DOT1L: variants seen among roughly 807,000 people sequenced by gnomAD.
The protein encoded by DOT1L is DOT1 like histone lysine methyltransferase.
Under a neutral mutation model 153.3 loss-of-function variants are expected in DOT1L, and 33 were observed. That is an observed-to-expected ratio of 0.22 (90% confidence interval 0.16 to 0.29). The LOEUF (loss-of-function observed/expected upper bound fraction) is 0.29, where lower values mean the gene tolerates loss of function less well. Ranked by LOEUF, DOT1L falls within the 10% of genes least tolerant of loss-of-function variation. The pLI, the probability that DOT1L is intolerant of heterozygous loss-of-function variation, is 1.00. For synonymous variants in DOT1L, 1,135 were observed against 965.1 expected (o/e 1.18, Z -3.26); for missense variants, 1,847 against 2,119.9 (o/e 0.87, Z 2.53).
intron 22 of DOT1L, among the ~76,000 whole-genome samples, chr19:2,218,732 T>C (rs2024003414): frequency 6.6e-6 from 1 of 151,930 alleles, no homozygotes; most frequent in Non-Finnish European, 1.5e-5. Flanking sequence ...AGACTCATTC[T>C]GTCCCCCAGG....
At position 2,217,727 on chromosome 19, in the gene DOT1L, A is replaced by T. The variant is rs1453246375; in HGVS notation, c.2545-45A>T. 6.4e-7 allele frequency: 1 copy of T among 1,571,592 alleles called. No individual in the cohort carries two copies. The highest frequency in any genetic ancestry group is 8.6e-7 in the Non-Finnish European group (1 of 1,159,690). The stretch of plus-strand genomic sequence containing the variant: ...TGTGGCTGTGGTCCCTGTGTCCTGG[A>T]GGGGTTTGTTGACCCACGACTGGGG... On this transcript the variant is annotated intron_variant, in intron 21 of 27. Transcript: ENST00000398665. This position sits in a 1 kb window ranked among gnomAD's most constrained non-coding sequence, Gnocchi z 7.3.
At chr19:2,216,022 GCT>G in intron 19 of DOT1L, 1 of 470,620 alleles carries the variant, frequency 2.1e-6, no homozygotes, top group South Asian at 3.4e-5. Context: ...AGAGACGAGA[GCT>G]CTTTGTATCT....
In DOT1L at chr19:2,224,345, A is replaced by G. The variant is rs372537598; in HGVS notation, c.3596+859A>G. Reference sequence around the variant, plus strand: ...AGCCACACCATTCCACCCTGCCACCATGGGTGCACGAGGGTCTGAGGTCCT... The same window carrying G: ...AGCCACACCATTCCACCCTGCCACCGTGGGTGCACGAGGGTCTGAGGTCCT... On this transcript the variant is annotated intron_variant, in intron 25 of 27. Transcript: ENST00000398665. Among the ~76,000 whole-genome samples, 8 of 152,274 alleles carry G rather than the reference A, an allele frequency of 5.3e-5. No homozygotes were observed. The East Asian group carries it at 1.2e-3, about 22-fold the overall frequency.
intron 27 of DOT1L, chr19:2,227,366 G>A (rs756221511): frequency 4.2e-6 from 3 of 721,060 alleles, no homozygotes; most frequent in African/African-American, 1.8e-5. Flanking sequence ...TTTTCAGAAG[G>A]CCACCGTGCG....
chr19:2,222,950 C>A lies in DOT1L; in HGVS notation c.3391-331C>A. The A allele has an allele frequency of 2.3e-6, 1 of 438,378 alleles. No individual in the cohort carries two copies. The highest frequency in any genetic ancestry group is 4.0e-5 in the East Asian group (1 of 24,898). 27.2% of individuals were successfully genotyped at this position (438,378 alleles called of 1,614,324 possible). ...GACTGAGCCCGGCCATCCTCCACCACGTGCGGCCTGGCAGCCTGGGAAGAG... is the reference window on the plus strand; with the variant it reads ...GACTGAGCCCGGCCATCCTCCACCAAGTGCGGCCTGGCAGCCTGGGAAGAG... On this transcript the variant is annotated intron_variant, in intron 24 of 27. Transcript: ENST00000398665. This position sits in a 1 kb window ranked among gnomAD's most constrained non-coding sequence, Gnocchi z 6.5.
At chr19:2,198,618 C>T (rs925919238) in intron 7 of DOT1L, among the ~76,000 whole-genome samples, 8 of 152,202 alleles carry the variant, frequency 5.3e-5, no homozygotes, top group African/African-American at 1.9e-4. Flanking sequence ...CTGGGTGGGG[C>T]GCGAGGCCTG....
At chr19:2,218,558 T>G (rs1166257686) in intron 22 of DOT1L, among the ~76,000 whole-genome samples, 1 of 151,036 alleles carries the variant, frequency 6.6e-6, no homozygotes, top group Non-Finnish European at 1.5e-5. Flanking sequence ...CACGCCTGGC[T>G]AATTTTTTGT....
At position 2,217,562 on chromosome 19, in the gene DOT1L, T is replaced by C. The variant is rs1441440308; in HGVS notation, c.2545-210T>C. The stretch of plus-strand genomic sequence containing the variant: ...CAGGCTGGAGGGGACAGATGGGCAT[T>C]GCTTTCAGACACCAGGAGCGTGCCG... On this transcript the variant is annotated intron_variant, in intron 21 of 27. Coordinates refer to ENST00000398665, the MANE Select transcript of DOT1L (RefSeq NM_032482.3). This position sits in a 1 kb window ranked among gnomAD's most constrained non-coding sequence, Gnocchi z 7.3. Among the ~76,000 whole-genome samples, 1 of 152,058 alleles carries C rather than the reference T, an allele frequency of 6.6e-6. No individual in the cohort carries two copies. Among genetic ancestry groups the C allele is most frequent in the East Asian group, 1.9e-4 (1 of 5,176 alleles).
intron 25 of DOT1L, among the ~76,000 whole-genome samples, chr19:2,224,926 G>A (rs541922057): frequency 6.6e-6 from 1 of 152,200 alleles, no homozygotes; most frequent in African/African-American, 2.4e-5. Context: ...GTGTGTTCTT[G>A]GGACATTGGA....
intron 19 of DOT1L, chr19:2,216,007 T>G: frequency 2.4e-6 from 1 of 425,476 alleles, no homozygotes; most frequent in East Asian, 4.2e-5. Context: ...TTAGAGTCTA[T>G]TTTGAGAGAC....
At position 2,222,346 on chromosome 19, in the gene DOT1L, G is replaced by A. The variant is rs747905456; in HGVS notation, c.3177G>A (p.Ser1059=). 5 of 1,612,586 alleles carry A rather than the reference G, an allele frequency of 3.1e-6. No individual in the cohort carries two copies. In the South Asian group the frequency reaches 3.3e-5, roughly 11 times the overall value. Residue 1059 remains serine (S), a synonymous_variant, in exon 24 of 28, where the codon TCG becomes TCA. Transcript: ENST00000398665. The surrounding 1 kb of genome is among the most constrained non-coding windows in gnomAD (Gnocchi z 6.5). The part of the protein sequence containing the change: ...ITTGAGSAKQ[S]PSSKHSPLTA... ...CTGGTGCGGGCAGTGCCAAGCAGTC[G>A]CCCTCCAGCAAGCACAGCCCCCTGA...
rs759670989 is a variant in DOT1L at position 2,226,503 on chromosome 19, T to G, written c.3982T>G (p.Leu1328Val). Residue 1328 changes from leucine to valine, a missense_variant, in exon 27 of 28, where the codon TTA becomes GTA. Leu to Val is a conservative substitution (Grantham distance 32). This residue lies in a region of DOT1L where 934 missense variants were observed against 825.3 expected (regional missense o/e 1.13). Transcript: ENST00000398665. ...FGGGLAADLS[L>V]HSFSDGASLP... ...CGGGGGCCTGGCCGCGGACCTGAGT[T>G]TACACAGCTTCAGTGATGGTGCTTC... The G allele has an allele frequency of 6.2e-7, 1 of 1,600,784 alleles. No individual in the cohort carries two copies. The highest frequency in any genetic ancestry group is 1.3e-5 in the African/African-American group (1 of 75,050).
chr19:2,216,603 C>T lies in DOT1L; in HGVS notation c.2246C>T (p.Pro749Leu). The T allele has an allele frequency of 6.2e-7, 1 of 1,607,722 alleles. No individual in the cohort carries two copies. Among genetic ancestry groups the T allele is most frequent in the Non-Finnish European group, 8.5e-7 (1 of 1,179,912 alleles). The change falls in exon 20 of 28, where the codon CCC becomes CTC. Residue 749 changes from proline to leucine, a missense_variant. Physicochemically the swap from Pro to Leu is moderately conservative, Grantham distance 98. This residue lies in a region of DOT1L where 281 missense variants were observed against 263.6 expected (regional missense o/e 1.07). Coordinates refer to ENST00000398665, the MANE Select transcript of DOT1L (RefSeq NM_032482.3). ...LASPLDQEVVPCTPSHVGRPR... is the reference protein window; with the variant it reads ...LASPLDQEVVLCTPSHVGRPR... ...TCACCCCTGGACCAGGAGGTGGTGC[C>T]CTGTACCCCTAGCCACGTCGGCCGG...
In DOT1L at chr19:2,231,910, C is replaced by A. The variant is rs1031239330; in HGVS notation, c.*2118C>A. On this transcript the variant is annotated 3_prime_UTR_variant, in exon 28 of 28. Transcript: ENST00000398665. ...GCACTGGGTCTCAGAGCCACTGGCCCAGGCAGAAGTCTCCTTGAGCCCACT... is the reference window on the plus strand; with the variant it reads ...GCACTGGGTCTCAGAGCCACTGGCCAAGGCAGAAGTCTCCTTGAGCCCACT... 5 of 218,836 alleles carry A rather than the reference C, an allele frequency of 2.3e-5. No homozygotes were observed. Among genetic ancestry groups the A allele is most frequent in the African/African-American group, 1.1e-4 (5 of 44,458 alleles). 13.6% of individuals were successfully genotyped at this position (218,836 alleles called of 1,614,324 possible).
In DOT1L at chr19:2,227,140, GCCGT is replaced by G. The variant is rs776195662; in HGVS notation, c.4606+21_4606+24del. On this transcript the variant is annotated intron_variant, in intron 27 of 27. Transcript: ENST00000398665. ...GGCACAGTTGGAGGTAGGCAGGGCG[GCCGT>G]CCGTCCGCCCCCCGCCCCGGCCCCC... 150 of 1,554,436 alleles carry G rather than the reference GCCGT, an allele frequency of 9.6e-5. No individual in the cohort carries two copies. The highest frequency in any genetic ancestry group is 1.2e-4 in the Non-Finnish European group (137 of 1,160,682).
In DOT1L at chr19:2,204,994, G is replaced by A. The variant is rs1045719096; in HGVS notation, c.788-1735G>A. Among the ~76,000 whole-genome samples the A allele has an allele frequency of 6.6e-6, 1 of 151,280 alleles. No homozygotes were observed. Among genetic ancestry groups the A allele is most frequent in the Non-Finnish European group, 1.5e-5 (1 of 67,870 alleles). On this transcript the variant is annotated intron_variant, in intron 9 of 27. Transcript: ENST00000398665. This position sits in a 1 kb window ranked among gnomAD's most constrained non-coding sequence, Gnocchi z 5.7. ...TTTTAATTTTTTTTTTTTTGGAGAC[G>A]GAGTCTCACTCTGTCGCCCAGGCTG...
intron 22 of DOT1L, among the ~76,000 whole-genome samples, chr19:2,219,670 C>T (rs1404068104): frequency 6.6e-6 from 1 of 152,188 alleles, no homozygotes; most frequent in Admixed American, 6.5e-5. Context: ...CTTTGTTGGA[C>T]TTGGAGTGTG....
At chr19:2,187,637 CAG>C (rs772934769) in intron 3 of DOT1L, among the ~76,000 whole-genome samples, 14 of 152,210 alleles carry the variant, frequency 9.2e-5, no homozygotes, top group African/African-American at 1.2e-4. Flanking sequence ...AGTGGAAACA[CAG>C]GGGCTGGGCA....
chr19:2,167,146 C>A (rs1394568615), intron 1 of DOT1L, among the ~76,000 whole-genome samples: 1 of 152,158 alleles, frequency 6.6e-6, no homozygotes, highest in East Asian at 1.9e-4. Context: ...TTAGAATAAA[C>A]CCGCACTAAA....
Sources: gnomAD v4.1 joint callset for allele counts (sites outside exome capture counted in the v4.1 genomes callset) on GRCh38, gnomAD v4.1.1 for gene constraint, gnomAD v4.1.1 regional missense constraint, Gnocchi (gnomAD v3.1) non-coding constraint, MANE v1.5 for transcripts, NCBI Gene and HGNC (gene_info 2026-07-23, HGNC 2026-07-21) for gene names.